ZSCAN30: variants seen among roughly 807,000 people sequenced by gnomAD.
The protein encoded by ZSCAN30 is zinc finger and SCAN domain-containing protein 30.
A neutral mutation model predicts 44.3 loss-of-function variants in ZSCAN30; 37 were observed. The ratio of observed to expected loss-of-function variants is 0.84; its 90% CI spans 0.64 to 1.10. The LOEUF (loss-of-function observed/expected upper bound fraction) is 1.10. Ranked by LOEUF, ZSCAN30 falls within the 50% of genes least tolerant of loss-of-function variation. The probability of loss-of-function intolerance (pLI) is 0.00; values close to 1 mark genes in which losing one functional copy is unlikely to be tolerated. For missense variants in ZSCAN30, 549 were observed against 582.6 expected, an observed-to-expected ratio of 0.94 and a Z score of 0.59; for synonymous variants, 181 against 204.6, an observed-to-expected ratio of 0.88 and a Z score of 0.98.
At position 35,254,335 on chromosome 18, in the gene ZSCAN30, A is replaced by G. The variant is rs755680236; in HGVS notation, c.600T>C (p.Ile200=). The G allele has an allele frequency of 4.3e-6, 7 of 1,613,924 alleles. No individual in the cohort carries two copies. Among genetic ancestry groups the G allele is most frequent in the Non-Finnish European group, 5.9e-6 (7 of 1,179,768 alleles). The change falls in exon 4 of 4, where the codon ATT becomes ATC. Residue 200 remains isoleucine, a synonymous_variant. Transcript: ENST00000333206. ...AGKVLMAKQE[I]VECVASAAMI... ...TAGCTGCTGAGGCTACACATTCAAC[A>G]ATTTCTTGCTTTGCCATCAACACTT... is the stretch of plus-strand genomic sequence containing the variant.
intron 1 of ZSCAN30, among the ~76,000 whole-genome samples, chr18:35,270,542 T>C (rs952236947): frequency 3.3e-5 from 5 of 152,376 alleles, no homozygotes; most frequent in African/African-American, 1.2e-4. Context: ...CATTGGATTT[T>C]TTAATTCAGA....
intron 1 of ZSCAN30, chr18:35,268,403 C>G (rs748434667): frequency 6.6e-6 from 1 of 152,136 alleles, no homozygotes; most frequent in Non-Finnish European, 1.5e-5. Flanking sequence ...ATGTAATAAT[C>G]TGTGAAAGTA....
rs1569058711 is a variant in ZSCAN30, at chr18:35,253,835, C to T, written c.1100G>A (p.Arg367Lys). Residue 367 changes from arginine to lysine, a missense_variant, in exon 4 of 4, where the codon AGG (arginine) becomes AAG (lysine). Transcript: ENST00000333206. Reference sequence around the variant, plus strand: ...ATGCCTGATGAGCTCTGAACTGCCCCTGAAGGCTTTTCCACATTCACAACA... The same window carrying T: ...ATGCCTGATGAGCTCTGAACTGCCCTTGAAGGCTTTTCCACATTCACAACA... Reference protein sequence around the residue: ...YECCECGKAFRGSSELIRHRR... With the variant: ...YECCECGKAFKGSSELIRHRR... The T allele has an allele frequency of 1.2e-6, 2 of 1,614,192 alleles. No individual in the cohort carries two copies. Among genetic ancestry groups the T allele is most frequent in the Admixed American group, 1.7e-5 (1 of 60,014 alleles).
intron 1 of ZSCAN30, chr18:35,281,669 A>T (rs2044458515): frequency 6.6e-6 from 1 of 152,230 alleles, no homozygotes; most frequent in Non-Finnish European, 1.5e-5. Flanking sequence ...AGAATTATAA[A>T]TGAACTATAA....
chr18:35,259,460 A>G (rs1234894658), intron 3 of ZSCAN30, among the ~76,000 whole-genome samples: 1 of 152,236 alleles, frequency 6.6e-6, no homozygotes, highest in African/African-American at 2.4e-5. Flanking sequence ...CATTACAGGC[A>G]TAAGCCACTG....
intron 1 of ZSCAN30, chr18:35,267,637 T>C (rs2044188329): frequency 6.6e-6 from 1 of 152,044 alleles, no homozygotes; most frequent in Non-Finnish European, 1.5e-5. Flanking sequence ...CGGGTCCGGC[T>C]CAGACCTGGC....
intron 1 of ZSCAN30, chr18:35,281,546 G>A (rs1488132992): frequency 6.6e-6 from 1 of 152,132 alleles, no homozygotes; most frequent in Non-Finnish European, 1.5e-5. Context: ...CTTTGTACAT[G>A]AGAATTAACC....
At position 35,272,052 on chromosome 18, in the gene ZSCAN30, C is replaced by T. The variant is rs564589779; in HGVS notation, c.-103-7597G>A. 2.6e-3 allele frequency among the ~76,000 whole-genome samples: 391 copies of T among 152,348 alleles called. 3 individuals carry two copies. Among genetic ancestry groups the T allele is most frequent in the African/African-American group, 8.8e-3 (364 of 41,594 alleles). On this transcript the variant is annotated intron_variant, in intron 1 of 3. Coordinates refer to ENST00000333206, the MANE Select transcript of ZSCAN30 (RefSeq NM_001112734.4). The stretch of plus-strand genomic sequence containing the variant: ...GCAGAGGGAGCCAGCTCCCCCTCGG[C>T]CAGCCCAGAGAGGGGCTTCCACAGT...
chr18:35,255,560 T>A lies in ZSCAN30; in HGVS notation c.554-1179A>T, dbSNP rs77157699. 8.6e-3 allele frequency among the ~76,000 whole-genome samples: 1,303 copies of A among 152,272 alleles called. 41 individuals carry two copies. The highest frequency in any genetic ancestry group is 0.057 in the East Asian group (292 of 5,156). The stretch of plus-strand genomic sequence containing the variant: ...CTTCCATATTGGAAGGATGCAGGGC[T>A]GTAGTTGCACTGAAACAAAATATAA... On this transcript the variant is annotated intron_variant, in intron 3 of 3. Coordinates refer to ENST00000333206, the MANE Select transcript of ZSCAN30 (RefSeq NM_001112734.4).
rs922382357 is a variant in ZSCAN30 at position 35,254,130 on chromosome 18, C to T, written c.805G>A (p.Glu269Lys). Residue 269 changes from glutamate to lysine, a missense_variant, in exon 4 of 4, where the codon GAA (glutamate) becomes AAA (lysine). Glu to Lys is a moderately conservative substitution (Grantham distance 56). Transcript: ENST00000333206. ...LATFNRRIPT[E>K]HSVLESHESE... ...TCATGAGATTCAAGGACACTGTGTT[C>T]TGTGGGGATTCTTCTGTTGAAGGTT... is the stretch of plus-strand genomic sequence containing the variant. 3 of 1,614,144 alleles carry T rather than the reference C, an allele frequency of 1.9e-6. No individual in the cohort carries two copies. Among genetic ancestry groups the T allele is most frequent in the African/African-American group, 2.7e-5 (2 of 75,042 alleles).
intron 3 of ZSCAN30, chr18:35,257,055 C>A (rs1286686754): frequency 6.6e-6 from 1 of 152,352 alleles, no homozygotes; most frequent in African/African-American, 2.4e-5. Context: ...GAACTACAGG[C>A]ACGAGCCACC....
intron 2 of ZSCAN30, 128 bp from the exon 3 acceptor site, chr18:35,263,785 T>A: frequency 7.2e-7 from 1 of 1,383,934 alleles, no homozygotes; most frequent in Non-Finnish European, 9.9e-7. Context: ...AAACAGGACC[T>A]TAAGAGCCCT....
intron 1 of ZSCAN30, chr18:35,289,479 A>G (rs2044615009): frequency 6.6e-6 from 1 of 151,644 alleles, no homozygotes; most frequent in African/African-American, 2.4e-5. Context: ...CATTTTCTCA[A>G]ACCTCTTCCT....
intron 1 of ZSCAN30, among the ~76,000 whole-genome samples, chr18:35,276,761 A>G (rs1209871259): frequency 6.6e-6 from 1 of 152,230 alleles, no homozygotes; most frequent in African/African-American, 2.4e-5. Context: ...GCAGTATGGA[A>G]GGGAAATGTG....
chr18:35,253,227 GA>G lies in ZSCAN30; in HGVS notation c.*222del. ...CCAGAAATGGGTTAGGCATTTCAAG[GA>G]AATATCTACCATTCTTTTTGGAGAA... is the stretch of plus-strand genomic sequence containing the variant. On this transcript the variant is annotated 3_prime_UTR_variant, in exon 4 of 4. Coordinates refer to ENST00000333206, the MANE Select transcript of ZSCAN30 (RefSeq NM_001112734.4). 1 of 423,530 alleles carries G rather than the reference GA, an allele frequency of 2.4e-6. No homozygotes were observed. The highest frequency in any genetic ancestry group is 5.7e-5 in the South Asian group (1 of 17,464). The allele number at this position is 423,530 out of a possible 1,614,324, so 26.2% of individuals were successfully genotyped here. A position where few individuals can be genotyped will look rare whatever the true frequency, so the allele number is the denominator to read the frequency against.
intron 1 of ZSCAN30, among the ~76,000 whole-genome samples, chr18:35,275,907 G>A (rs2044359238): frequency 6.6e-6 from 1 of 152,078 alleles, no homozygotes; most frequent in Non-Finnish European, 1.5e-5. Flanking sequence ...AAGAGGTGTT[G>A]GATTTTGTCA....
chr18:35,263,967 T>G lies in ZSCAN30; in HGVS notation c.386A>C (p.Glu129Ala). Residue 129 changes from glutamate (E) to alanine (A), a missense_variant, in exon 2 of 4, where the codon GAA (glutamate) becomes GCA (alanine). By Grantham distance (107) the Glu-to-Ala change is moderately radical. Coordinates refer to ENST00000333206, the MANE Select transcript of ZSCAN30 (RefSeq NM_001112734.4). The part of the protein sequence containing the change: ...AVTMLEELEK[E>A]LEEPRQQDTT... ...TACCTGTTGCCTTGGCTCCTCCAGTTCTTTTTCCAGCTCCTCCAGCATAGT... is the reference window on the plus strand; with the variant it reads ...TACCTGTTGCCTTGGCTCCTCCAGTGCTTTTTCCAGCTCCTCCAGCATAGT... 1 of 1,614,160 alleles carries G rather than the reference T, an allele frequency of 6.2e-7. No individual in the cohort carries two copies. Among genetic ancestry groups the G allele is most frequent in the Non-Finnish European group, 8.5e-7 (1 of 1,179,996 alleles).
Position 35,253,516 on chromosome 18 carries a change from T to C in ZSCAN30, c.1419A>G (p.Glu473=), listed in dbSNP as rs768078296. The C allele has an allele frequency of 2.5e-6, 4 of 1,612,332 alleles. No individual in the cohort carries two copies. The South Asian group carries it at 4.4e-5, about 18-fold the overall frequency. The change falls in exon 4 of 4, where the codon GAA becomes GAG. Residue 473 remains glutamate, a synonymous_variant. Transcript: ENST00000333206. ...ACCTATGCCTAAATGTTTTTCTACA[T>C]TCACTACATTCATAAGGCTTCTCTC... ...HTGEKPYECS[E]CRKTFRHRSG...
intron 3 of ZSCAN30, chr18:35,257,614 G>A (rs551349048): frequency 9.6e-5 from 35 of 366,026 alleles, no homozygotes; most frequent in African/African-American, 6.5e-4. Flanking sequence ...AAGTAAATCC[G>A]TGTTGTTTAC....
Sources: gnomAD v4.1 joint callset for allele counts (sites outside exome capture counted in the v4.1 genomes callset) on GRCh38, gnomAD v4.1.1 for gene constraint, MANE v1.5 for transcripts, NCBI Gene and HGNC (gene_info 2026-07-23, HGNC 2026-07-21) for gene names.